FER: variants seen among roughly 807,000 people sequenced by gnomAD.
FER encodes the protein tyrosine-protein kinase Fer.
In FER, 63 loss-of-function variants were observed where a neutral mutation model predicts 111.0. The ratio of observed to expected loss-of-function variants is 0.57; its 90% CI spans 0.46 to 0.70. The LOEUF (loss-of-function observed/expected upper bound fraction) is 0.70, where lower values mean the gene tolerates loss of function less well. Ranked by LOEUF, FER falls within the 30% of genes least tolerant of loss-of-function variation. The pLI is 0.00. For missense variants in FER, 914 were observed against 954.0 expected (o/e 0.96, Z 0.55); for synonymous variants, 327 against 313.9 (o/e 1.04, Z -0.44).
chr5:108,913,728 A>G (rs991059896), intron 10 of FER, among the ~76,000 whole-genome samples: 1 of 152,230 alleles, frequency 6.6e-6, no homozygotes, highest in Non-Finnish European at 1.5e-5. Context: ...AGCACAATTT[A>G]TAATGACCCC....
At chr5:108,990,097 A>C (rs1762999690) in intron 13 of FER, among the ~76,000 whole-genome samples, 1 of 151,962 alleles carries the variant, frequency 6.6e-6, no homozygotes, top group Non-Finnish European at 1.5e-5. Context: ...TTTCTGTCAC[A>C]GTCATATAAA....
chr5:108,968,241 G>T (rs1191987973), intron 13 of FER, among the ~76,000 whole-genome samples: 1 of 152,116 alleles, frequency 6.6e-6, no homozygotes, highest in African/African-American at 2.4e-5. Flanking sequence ...ACAAAAATTA[G>T]CTGGGCCTGG....
chr5:108,922,454 TGTGCTAGA>T (rs1471701153), intron 10 of FER, among the ~76,000 whole-genome samples: 1 of 152,196 alleles, frequency 6.6e-6, no homozygotes, highest in African/African-American at 2.4e-5. Flanking sequence ...AGCTTCTCTC[TGTGCTAGA>T]ACAAGTAACA....
At chr5:108,797,657 C>T (rs984352099) in intron 2 of FER, among the ~76,000 whole-genome samples, 1 of 152,212 alleles carries the variant, frequency 6.6e-6, no homozygotes, top group Non-Finnish European at 1.5e-5. Flanking sequence ...CTACCCTTTT[C>T]AGTACCTCTT....
At chr5:108,854,020 A>G (rs999806274) in intron 5 of FER, among the ~76,000 whole-genome samples, 1 of 152,196 alleles carries the variant, frequency 6.6e-6, no homozygotes, top group Non-Finnish European at 1.5e-5. Flanking sequence ...GAAGTGCTCA[A>G]ATTCTGTATA....
intron 17 of FER, among the ~76,000 whole-genome samples, chr5:109,114,312 G>A (rs1290828173): frequency 6.6e-6 from 1 of 151,952 alleles, no homozygotes; most frequent in South Asian, 2.1e-4. Context: ...TATCACTTTT[G>A]AATTGTGAAA....
intron 14 of FER, among the ~76,000 whole-genome samples, chr5:109,038,600 A>G (rs77818905): frequency 0.015 from 2,293 of 152,070 alleles, 48 homozygotes; most frequent in African/African-American, 0.052. Flanking sequence ...AGTGAATTCT[A>G]AAGAACCTCA....
At chr5:108,860,715 T>C (rs1763432500) in intron 5 of FER, among the ~76,000 whole-genome samples, 1 of 152,202 alleles carries the variant, frequency 6.6e-6, no homozygotes, top group South Asian at 2.1e-4. Context: ...TAAGTAAAAT[T>C]GTGAAATTGA....
intron 13 of FER, among the ~76,000 whole-genome samples, chr5:108,993,814 T>C (rs1321492038): frequency 3.9e-5 from 6 of 152,342 alleles, no homozygotes; most frequent in East Asian, 1.9e-4. Flanking sequence ...CTTTTGATAG[T>C]TGCCCTTCTG....
At chr5:109,072,805 ATCAAGG>A (rs1775921542) in intron 16 of FER, among the ~76,000 whole-genome samples, 1 of 152,092 alleles carries the variant, frequency 6.6e-6, no homozygotes, top group Admixed American at 6.6e-5. Context: ...AAAGTTCAAA[ATCAAGG>A]TGTCACCAGG....
intron 13 of FER, among the ~76,000 whole-genome samples, chr5:109,012,307 G>A (rs2149806001): frequency 6.6e-6 from 1 of 152,296 alleles, no homozygotes; most frequent in South Asian, 2.1e-4. Flanking sequence ...TAAATGTAGA[G>A]CAGCTGTTGT....
At chr5:109,118,606 G>A (rs148679658) in intron 17 of FER, among the ~76,000 whole-genome samples, 2 of 152,106 alleles carry the variant, frequency 1.3e-5, no homozygotes, top group East Asian at 1.9e-4. Context: ...TGTATCTCTG[G>A]TAGAACTCAG....
At chr5:108,944,781 C>CTTAAGGTCTCA (rs150465863) in intron 10 of FER, among the ~76,000 whole-genome samples, 20,308 of 151,754 alleles carry the variant, frequency 0.13, 1,403 homozygotes, top group Middle Eastern at 0.16. Context: ...CTATATGAAA[C>CTTAAGGTCTCA]TTAAGGTCTC....
At chr5:109,082,117 A>C (rs1249786830) in intron 16 of FER, among the ~76,000 whole-genome samples, 1 of 152,022 alleles carries the variant, frequency 6.6e-6, no homozygotes, top group Non-Finnish European at 1.5e-5. Flanking sequence ...GCCTGAAATA[A>C]GCACCTATAT....
chr5:109,057,591 T>C (rs1375220725), intron 16 of FER, among the ~76,000 whole-genome samples: 1 of 152,186 alleles, frequency 6.6e-6, no homozygotes, highest in Non-Finnish European at 1.5e-5. Flanking sequence ...GCACAAGCAG[T>C]CCTCCTGCCT....
chr5:108,830,149 T>C (rs1321852261), intron 3 of FER, among the ~76,000 whole-genome samples: 1 of 152,136 alleles, frequency 6.6e-6, no homozygotes, highest in African/African-American at 2.4e-5. Context: ...ATGGGAGACA[T>C]TATAAGTCTT....
intron 16 of FER, chr5:109,052,384 C>T: frequency 6.4e-7 from 1 of 1,564,332 alleles, no homozygotes; most frequent in Non-Finnish European, 8.8e-7. Context: ...TACTGACAGC[C>T]ACACCTTCCC....
chr5:108,794,332 T>C (rs7725391), intron 2 of FER, among the ~76,000 whole-genome samples: 65,434 of 151,360 alleles, frequency 0.43, 16,086 homozygotes, highest in African/African-American at 0.68. Context: ...ATTCTCCTGC[T>C]GCGGCCTCCC....
intron 3 of FER, among the ~76,000 whole-genome samples, chr5:108,816,290 C>T (rs1029814976): frequency 6.6e-6 from 1 of 152,208 alleles, no homozygotes; most frequent in Non-Finnish European, 1.5e-5. Context: ...AGTAGACACA[C>T]ACTTCAGTCC....
Sources: gnomAD v4.1 joint callset for allele counts (sites outside exome capture counted in the v4.1 genomes callset) on GRCh38, gnomAD v4.1.1 for gene constraint, MANE v1.5 for transcripts, NCBI Gene and HGNC (gene_info 2026-07-23, HGNC 2026-07-21) for gene names.